Variants in GALNTL6 observed in about 807,000 individuals in gnomAD.
GALNTL6 encodes polypeptide N-acetylgalactosaminyltransferase-like 6.
Under a neutral mutation model 73.7 loss-of-function variants are expected in GALNTL6, and 46 were observed. The ratio of observed to expected loss-of-function variants is 0.62; its 90% confidence interval spans 0.49 to 0.80. GALNTL6 has a LOEUF of 0.80. GALNTL6 is among the 30% of genes least tolerant of loss of function. The pLI, the probability that GALNTL6 is intolerant of heterozygous loss-of-function variation, is 0.00. For synonymous variants in GALNTL6, 259 were observed against 263.7 expected (o/e 0.98, Z 0.17); for missense variants, 604 against 755.0 (o/e 0.80, Z 2.34).
chr4:172,220,957 A>C (rs909443451), intron 2 of GALNTL6, among the ~76,000 whole-genome samples: 1 of 151,888 alleles, frequency 6.6e-6, no homozygotes, highest in Non-Finnish European at 1.5e-5. Flanking sequence ...GGCATATTTT[A>C]GGAATATGAA....
At chr4:171,879,951 C>A (rs910922049) in intron 2 of GALNTL6, among the ~76,000 whole-genome samples, 2 of 152,052 alleles carry the variant, frequency 1.3e-5, no homozygotes, top group African/African-American at 4.8e-5. Flanking sequence ...TTAATATATT[C>A]TTTATTAATT....
intron 5 of GALNTL6, among the ~76,000 whole-genome samples, chr4:172,531,525 T>C (rs1171374340): frequency 1.3e-5 from 2 of 152,166 alleles, no homozygotes; most frequent in African/African-American, 4.8e-5. Flanking sequence ...ACCCAGCCAG[T>C]GGGGTCTTCT....
At chr4:172,064,682 T>C (rs1731305814) in intron 2 of GALNTL6, among the ~76,000 whole-genome samples, 1 of 152,168 alleles carries the variant, frequency 6.6e-6, no homozygotes, top group African/African-American at 2.4e-5. Flanking sequence ...TTGGGCACAG[T>C]TGATATCACC....
intron 7 of GALNTL6, among the ~76,000 whole-genome samples, chr4:172,836,991 C>A (rs144743173): frequency 1.2e-3 from 184 of 152,172 alleles, no homozygotes; most frequent in African/African-American, 3.8e-3. Flanking sequence ...GTTACCCTTG[C>A]GAAAAAGACT....
At chr4:172,153,552 C>T (rs1326772158) in intron 2 of GALNTL6, among the ~76,000 whole-genome samples, 1 of 152,092 alleles carries the variant, frequency 6.6e-6, no homozygotes, top group East Asian at 1.9e-4. Context: ...TACTAAAATG[C>T]CACGTTTAAA....
At chr4:172,087,285 A>T (rs1184193389) in intron 2 of GALNTL6, among the ~76,000 whole-genome samples, 1 of 151,968 alleles carries the variant, frequency 6.6e-6, no homozygotes, top group Non-Finnish European at 1.5e-5. Context: ...CTACTAAAAA[A>T]TATAAAAAAA....
intron 5 of GALNTL6, among the ~76,000 whole-genome samples, chr4:172,745,778 C>T (rs902034805): frequency 1.7e-4 from 26 of 151,880 alleles, no homozygotes; most frequent in Non-Finnish European, 1.8e-4. Flanking sequence ...CTTGAGCATC[C>T]GGTTGAATAA....
intron 7 of GALNTL6, among the ~76,000 whole-genome samples, chr4:172,841,079 T>A (rs1354584359): frequency 6.6e-6 from 1 of 152,212 alleles, no homozygotes; most frequent in African/African-American, 2.4e-5. Context: ...TAAAGAGACA[T>A]GCTGCCACAT....
At chr4:172,371,481 C>A (rs907801978) in intron 5 of GALNTL6, among the ~76,000 whole-genome samples, 2 of 152,234 alleles carry the variant, frequency 1.3e-5, no homozygotes, top group African/African-American at 2.4e-5. Context: ...TTTACCCTGG[C>A]TTTTAAAGGA....
chr4:172,062,335 C>T (rs751134551), intron 2 of GALNTL6, among the ~76,000 whole-genome samples: 4 of 152,102 alleles, frequency 2.6e-5, no homozygotes, highest in African/African-American at 7.2e-5. Context: ...AGACCAAATA[C>T]GAATCAAATG....
At chr4:171,822,021 A>G (rs1237026238) in intron 2 of GALNTL6, among the ~76,000 whole-genome samples, 1 of 152,190 alleles carries the variant, frequency 6.6e-6, no homozygotes, top group Non-Finnish European at 1.5e-5. Context: ...GAAAAAAGGC[A>G]ATATTTCTTT....
At chr4:172,688,963 A>AGTGACTTCATAATG (rs60258531) in intron 5 of GALNTL6, among the ~76,000 whole-genome samples, 1 of 152,136 alleles carries the variant, frequency 6.6e-6, no homozygotes, top group Non-Finnish European at 1.5e-5. Flanking sequence ...CTCCCTACTC[A>AGTGACTTCATAATG]GTAACCCAAA....
chr4:172,427,775 C>A (rs1187785064), intron 5 of GALNTL6, among the ~76,000 whole-genome samples: 1 of 152,084 alleles, frequency 6.6e-6, no homozygotes, highest in Non-Finnish European at 1.5e-5. Flanking sequence ...CACCGCTATG[C>A]ATTTTGTTGG....
At chr4:172,659,108 G>T (rs1454332999) in intron 5 of GALNTL6, among the ~76,000 whole-genome samples, 1 of 152,128 alleles carries the variant, frequency 6.6e-6, no homozygotes, top group Non-Finnish European at 1.5e-5. Context: ...ACTATGATTT[G>T]TTTAATTTAT....
At chr4:172,041,502 C>A (rs1742085169) in intron 2 of GALNTL6, among the ~76,000 whole-genome samples, 1 of 152,066 alleles carries the variant, frequency 6.6e-6, no homozygotes, top group Non-Finnish European at 1.5e-5. Context: ...TTGTAATCCA[C>A]TGCTAGAGGA....
chr4:172,005,119 A>G (rs1740797443), intron 2 of GALNTL6, among the ~76,000 whole-genome samples: 1 of 151,296 alleles, frequency 6.6e-6, no homozygotes, highest in African/African-American at 2.4e-5. Flanking sequence ...ATTTTATTTT[A>G]TTTTATTTTA....
chr4:172,731,274 A>G (rs971716662), intron 5 of GALNTL6, among the ~76,000 whole-genome samples: 4 of 152,094 alleles, frequency 2.6e-5, no homozygotes, highest in Non-Finnish European at 4.4e-5. Flanking sequence ...TGGTGATTCA[A>G]TCTTGGTAGA....
At chr4:172,398,821 G>A (rs1743937699) in intron 5 of GALNTL6, among the ~76,000 whole-genome samples, 1 of 151,630 alleles carries the variant, frequency 6.6e-6, no homozygotes, top group African/African-American at 2.4e-5. Context: ...AGTATTTTTT[G>A]GAGGTTCTTT....
intron 5 of GALNTL6, among the ~76,000 whole-genome samples, chr4:172,565,950 A>G (rs190163611): frequency 7.2e-5 from 11 of 152,320 alleles, no homozygotes; most frequent in African/African-American, 2.6e-4. Context: ...GAAGGACATT[A>G]TATATTAATA....
Sources: gnomAD v4.1 joint callset for allele counts (sites outside exome capture counted in the v4.1 genomes callset) on GRCh38, gnomAD v4.1.1 for gene constraint, MANE v1.5 for transcripts, NCBI Gene and HGNC (gene_info 2026-07-23, HGNC 2026-07-21) for gene names.